The following MTA3 variants were observed in gnomAD, a reference collection of about 807,000 sequenced individuals.
The protein encoded by MTA3 is metastasis associated 1 family member 3.
MTA3 carries 34 observed loss-of-function variants against 83.5 expected under a neutral mutation model. The ratio of observed to expected loss-of-function variants is 0.41; its 90% confidence interval spans 0.31 to 0.54. The LOEUF (loss-of-function observed/expected upper bound fraction) is 0.54. MTA3 is among the 20% of genes least tolerant of loss of function. The pLI is 0.33. For missense variants in MTA3, 761 were observed against 726.4 expected (o/e 1.05, Z -0.55); for synonymous variants, 303 against 252.7 (o/e 1.20, Z -1.89).
intron 11 of MTA3, among the ~76,000 whole-genome samples, chr2:42,699,689 G>C (rs1249296890): frequency 6.6e-6 from 1 of 152,126 alleles, no homozygotes; most frequent in Non-Finnish European, 1.5e-5. Context: ...GAAGTGGGTT[G>C]TCATGCTATT....
chr2:42,502,079 A>C (rs925804058), intron 2 of MTA3, among the ~76,000 whole-genome samples: 2 of 152,038 alleles, frequency 1.3e-5, no homozygotes. Flanking sequence ...GGTTACAGGC[A>C]AAGTCATAAA....
At chr2:42,577,616 G>A (rs1448645897) in intron 2 of MTA3, among the ~76,000 whole-genome samples, 1 of 151,994 alleles carries the variant, frequency 6.6e-6, no homozygotes, top group Non-Finnish European at 1.5e-5. Context: ...GAGTAGCTGG[G>A]ACTACAGGTG....
chr2:42,546,003 A>G (rs1676742312), intron 2 of MTA3, among the ~76,000 whole-genome samples: 1 of 152,220 alleles, frequency 6.6e-6, no homozygotes, highest in Admixed American at 6.5e-5. Context: ...ACTAATCGCA[A>G]TGATAATGGT....
intron 3 of MTA3, among the ~76,000 whole-genome samples, chr2:42,590,277 T>G (rs979155942): frequency 1.1e-4 from 17 of 152,148 alleles, no homozygotes; most frequent in African/African-American, 4.1e-4. Context: ...TAGATTCCTC[T>G]TGAATGGATT....
At chr2:42,572,240 C>CT (rs912994259) in intron 2 of MTA3, among the ~76,000 whole-genome samples, 5 of 151,478 alleles carry the variant, frequency 3.3e-5, no homozygotes, top group Non-Finnish European at 7.4e-5. Flanking sequence ...GATCGCGCCA[C>CT]TGCCCTCCAG....
chr2:42,504,138 C>T (rs767250432), intron 2 of MTA3, among the ~76,000 whole-genome samples: 9 of 152,136 alleles, frequency 5.9e-5, no homozygotes, highest in South Asian at 2.1e-4. Flanking sequence ...CTGTGTTGGA[C>T]AGTCTGGTCT....
At chr2:42,610,042 G>A (rs1683996705) in intron 4 of MTA3, among the ~76,000 whole-genome samples, 1 of 152,212 alleles carries the variant, frequency 6.6e-6, no homozygotes. Flanking sequence ...AGAGGTTGCA[G>A]TGTGCTGACA....
chr2:42,532,795 G>T, intron 2 of MTA3: 1 of 360,960 alleles, frequency 2.8e-6, no homozygotes, highest in South Asian at 2.9e-5. Context: ...GGTTCCAGCA[G>T]CTCGGGCTCC....
In MTA3 at chr2:42,756,689, CAGTT is replaced by C. The variant is rs1180200386; in HGVS notation, c.*3293_*3296del. 1.0e-6 allele frequency: 1 copy of C among 985,326 alleles called. No individual in the cohort carries two copies. The highest frequency in any genetic ancestry group is 1.2e-6 in the Non-Finnish European group (1 of 829,972). 61.0% of individuals were successfully genotyped at this position (985,326 alleles called of 1,614,324 possible). ...CTGTTTTCCTTTGGGGGAATTTACT[CAGTT>C]AGCAGCCCCTCCTCACCATTCCCCC... On this transcript the variant is annotated 3_prime_UTR_variant, in exon 17 of 17. Coordinates refer to ENST00000405094, the MANE Select transcript of MTA3 (RefSeq NM_001330442.2).
intron 16 of MTA3, among the ~76,000 whole-genome samples, chr2:42,731,935 G>A (rs1175133013): frequency 6.6e-6 from 1 of 152,164 alleles, no homozygotes; most frequent in Non-Finnish European, 1.5e-5. Flanking sequence ...AAAACAAAGG[G>A]GTTATAGAGC....
At chr2:42,514,360 T>C (rs545205156) in intron 2 of MTA3, among the ~76,000 whole-genome samples, 1 of 152,178 alleles carries the variant, frequency 6.6e-6, no homozygotes, top group Non-Finnish European at 1.5e-5. Flanking sequence ...AATATTTTTC[T>C]TTCTTTTTGT....
chr2:42,559,519 A>T lies in MTA3; in HGVS notation c.-140-10918A>T, dbSNP rs59598883. Among the ~76,000 whole-genome samples the T allele has an allele frequency of 1.2e-3, 181 of 149,456 alleles. 1 individual carries two copies. The highest frequency in any genetic ancestry group is 3.9e-3 in the African/African-American group (157 of 40,258). On this transcript the variant is annotated intron_variant, in intron 2 of 17. Transcript: ENST00000405592. ...CTTGTCTCAAAAAAAAAAAAAAAAA[A>T]TTTTGTTTTCCCATTTCATCTCTTA...
intron 9 of MTA3, among the ~76,000 whole-genome samples, chr2:42,684,148 G>T (rs1692177258): frequency 6.6e-6 from 1 of 152,022 alleles, no homozygotes; most frequent in Non-Finnish European, 1.5e-5. Context: ...TGTGTTTATG[G>T]ACTTACTGTC....
At chr2:42,590,012 C>T (rs1558466895) in intron 3 of MTA3, among the ~76,000 whole-genome samples, 1 of 152,062 alleles carries the variant, frequency 6.6e-6, no homozygotes, top group African/African-American at 2.4e-5. Flanking sequence ...CAGTCTGATG[C>T]CTTGAGCTTG....
At chr2:42,529,344 C>T (rs906689860) in intron 2 of MTA3, among the ~76,000 whole-genome samples, 2 of 152,144 alleles carry the variant, frequency 1.3e-5, no homozygotes, top group African/African-American at 4.8e-5. Flanking sequence ...TTGAAGACCA[C>T]TGTTCTAGAC....
intron 2 of MTA3, among the ~76,000 whole-genome samples, chr2:42,543,773 G>A (rs573616898): frequency 9.9e-5 from 15 of 150,926 alleles, no homozygotes; most frequent in African/African-American, 2.9e-4. Context: ...GGCATGAGCC[G>A]CTATGCCTGG....
chr2:42,625,887 A>G (rs1374352188), intron 4 of MTA3, among the ~76,000 whole-genome samples: 2 of 148,902 alleles, frequency 1.3e-5, no homozygotes, highest in Non-Finnish European at 3.0e-5. Context: ...TTTTATATTT[A>G]TCTTTTATGC....
intron 11 of MTA3, among the ~76,000 whole-genome samples, chr2:42,699,124 C>A (rs923525712): frequency 6.6e-6 from 1 of 152,180 alleles, no homozygotes; most frequent in African/African-American, 2.4e-5. Context: ...TCAATGTAAT[C>A]TAAGTCAGGG....
chr2:42,681,088 A>G (rs979186879), intron 8 of MTA3, among the ~76,000 whole-genome samples: 8 of 152,202 alleles, frequency 5.3e-5, no homozygotes, highest in African/African-American at 1.9e-4. Flanking sequence ...TTGCAGAAGT[A>G]ACCTCGGGCC....
Sources: gnomAD v4.1 joint callset for allele counts (sites outside exome capture counted in the v4.1 genomes callset) on GRCh38, gnomAD v4.1.1 for gene constraint, MANE v1.5 for transcripts, NCBI Gene and HGNC (gene_info 2026-07-23, HGNC 2026-07-21) for gene names.